SLC44A5: variants seen among roughly 807,000 people sequenced by gnomAD.
SLC44A5 encodes the protein solute carrier family 44 member 5.
Under a neutral mutation model 101.8 loss-of-function variants are expected in SLC44A5, and 57 were observed. The observed-to-expected ratio is 0.56, with a 90% CI of 0.45 to 0.70. SLC44A5 has a LOEUF of 0.70. SLC44A5 is among the 30% of genes least tolerant of loss of function. SLC44A5 has a pLI of 0.00. For synonymous variants in SLC44A5, 281 were observed against 290.9 expected, an observed-to-expected ratio of 0.97 and a Z score of 0.35; for missense variants, 737 against 853.1, an observed-to-expected ratio of 0.86 and a Z score of 1.70.
At chr1:75,521,440 AT>A (rs1670118929) in intron 2 of SLC44A5, 2 of 152,226 alleles carry the variant, frequency 1.3e-5, no homozygotes, top group Non-Finnish European at 2.9e-5. Context: ...TGAAATGTGA[AT>A]ATCTGTCTGA....
At chr1:75,471,212 G>T (rs1404898079) in intron 2 of SLC44A5, among the ~76,000 whole-genome samples, 2 of 151,976 alleles carry the variant, frequency 1.3e-5, no homozygotes, top group African/African-American at 4.8e-5. Flanking sequence ...TCATTACTGG[G>T]CAAGTCTAAG....
At chr1:75,416,917 T>C (rs1208162912) in intron 2 of SLC44A5, among the ~76,000 whole-genome samples, 2 of 152,212 alleles carry the variant, frequency 1.3e-5, no homozygotes, top group Non-Finnish European at 2.9e-5. Flanking sequence ...AGTAACTTAC[T>C]TGCTTTTGAT....
chr1:75,509,156 T>C (rs1451417603), intron 2 of SLC44A5, among the ~76,000 whole-genome samples: 1 of 152,168 alleles, frequency 6.6e-6, no homozygotes, highest in Non-Finnish European at 1.5e-5. Context: ...CACACTGAGA[T>C]AAAAACTACT....
intron 2 of SLC44A5, among the ~76,000 whole-genome samples, chr1:75,478,720 C>T (rs1190507766): frequency 6.6e-6 from 1 of 152,152 alleles, no homozygotes; most frequent in Non-Finnish European, 1.5e-5. Flanking sequence ...AATATATATG[C>T]ACCCAATACA....
At chr1:75,706,370 A>G in the SLC44A5 span, among the ~76,000 whole-genome samples, 1 of 152,176 alleles carries the variant, frequency 6.6e-6, no homozygotes. Context: ...CCTCAAATAT[A>G]ATTTTTGCAA....
chr1:75,213,088 G>T (rs984466981), intron 22 of SLC44A5, among the ~76,000 whole-genome samples: 3 of 152,148 alleles, frequency 2.0e-5, no homozygotes, highest in Non-Finnish European at 4.4e-5. Context: ...GGCCTCAGCT[G>T]TAACTTCGGC....
intron 2 of SLC44A5, among the ~76,000 whole-genome samples, chr1:75,409,267 TTTA>T (rs1663114310): frequency 2.6e-5 from 4 of 152,186 alleles, no homozygotes; most frequent in Non-Finnish European, 5.9e-5. Context: ...TAGCCTATTG[TTTA>T]GTACCCTGAA....
intron 1 of SLC44A5, among the ~76,000 whole-genome samples, chr1:75,608,753 G>A (rs534413645): frequency 6.6e-6 from 1 of 151,314 alleles, no homozygotes; most frequent in East Asian, 2.0e-4. Flanking sequence ...CTTCCTTCTG[G>A]AAGTCTCCTC....
intron 2 of SLC44A5, among the ~76,000 whole-genome samples, chr1:75,487,107 TA>T: frequency 6.6e-6 from 1 of 152,342 alleles, no homozygotes; most frequent in South Asian, 2.1e-4. Context: ...ATCAAATACT[TA>T]ATAAATATCT....
At chr1:75,371,788 C>T (rs1324822736) in intron 3 of SLC44A5, among the ~76,000 whole-genome samples, 3 of 152,124 alleles carry the variant, frequency 2.0e-5, no homozygotes, top group Non-Finnish European at 2.9e-5. Context: ...TTAGTTCAAC[C>T]TTCTAAAGGC....
the SLC44A5 span, among the ~76,000 whole-genome samples, chr1:75,685,399 T>C: frequency 1.3e-5 from 2 of 152,224 alleles, no homozygotes; most frequent in African/African-American, 4.8e-5. Flanking sequence ...TTATATTGCA[T>C]AATCACGCTG....
chr1:75,267,239 AG>A (rs1261917288), intron 6 of SLC44A5, among the ~76,000 whole-genome samples: 2 of 152,166 alleles, frequency 1.3e-5, no homozygotes, highest in Admixed American at 6.5e-5. Context: ...AGACTGAGGT[AG>A]GTTGTGTTCC....
At chr1:75,675,090 C>G in the SLC44A5 span, among the ~76,000 whole-genome samples, 1 of 152,224 alleles carries the variant, frequency 6.6e-6, no homozygotes, top group East Asian at 1.9e-4. Context: ...GTCTTGGCCA[C>G]CCAGGCTCTT....
intron 4 of SLC44A5, among the ~76,000 whole-genome samples, chr1:75,338,519 T>C (rs1260566256): frequency 6.6e-6 from 1 of 152,196 alleles, no homozygotes; most frequent in African/African-American, 2.4e-5. Context: ...ACAAATAAGT[T>C]ATTGTAAAAT....
At chr1:75,510,102 C>T (rs1401175798) in intron 2 of SLC44A5, among the ~76,000 whole-genome samples, 1 of 152,084 alleles carries the variant, frequency 6.6e-6, no homozygotes, top group Admixed American at 6.5e-5. Context: ...ATGGGAAAGA[C>T]CCACCTCCAT....
At chr1:75,433,646 A>T (rs960160853) in intron 2 of SLC44A5, among the ~76,000 whole-genome samples, 2 of 152,040 alleles carry the variant, frequency 1.3e-5, no homozygotes, top group African/African-American at 2.4e-5. Flanking sequence ...CATCTCTTAG[A>T]TCTGTCTTTC....
rs1672690615 is a variant in SLC44A5 at position 75,564,603 on chromosome 1, T to TTA, written c.-69-23088_-69-23087insTA. On this transcript the variant is annotated intron_variant, in intron 1 of 23. Coordinates refer to ENST00000370859, the MANE Select transcript of SLC44A5 (RefSeq NM_001130058.2). ...TTTATTTATTTACTTTTTTTTTAATTTTTATTTATTTATTTATTTATTTAT... is the reference window on the plus strand; with the variant it reads ...TTTATTTATTTACTTTTTTTTTAATTTATTTATTTATTTATTTATTTATTTAT... Among the ~76,000 whole-genome samples the TTA allele has an allele frequency of 2.4e-3, 330 of 138,072 alleles. 6 individuals are homozygous for TTA. The highest frequency in any genetic ancestry group is 0.018 in the Admixed American group (247 of 13,658). The allele number at this position is 138,072 out of a possible 152,430, so 90.6% of individuals were successfully genotyped here. A position where few individuals can be genotyped will look rare whatever the true frequency, so the allele number is the denominator to read the frequency against.
At chr1:75,670,983 C>G in the SLC44A5 span, among the ~76,000 whole-genome samples, 1 of 152,144 alleles carries the variant, frequency 6.6e-6, no homozygotes, top group East Asian at 1.9e-4. Flanking sequence ...TCCTTAGAAA[C>G]AGGAAGCACT....
chr1:75,342,937 A>C (rs1370512180), intron 3 of SLC44A5, among the ~76,000 whole-genome samples: 3 of 152,130 alleles, frequency 2.0e-5, no homozygotes, highest in Non-Finnish European at 2.9e-5. Flanking sequence ...TGATTACTTC[A>C]CCCTGCCCCC....
Sources: gnomAD v4.1 joint callset for allele counts (sites outside exome capture counted in the v4.1 genomes callset) on GRCh38, gnomAD v4.1.1 for gene constraint, MANE v1.5 for transcripts, NCBI Gene and HGNC (gene_info 2026-07-23, HGNC 2026-07-21) for gene names.